PICALM: variants seen among roughly 807,000 people sequenced by gnomAD.
The protein encoded by PICALM is phosphatidylinositol-binding clathrin assembly protein.
Under a neutral mutation model 80.5 loss-of-function variants are expected in PICALM, and 40 were observed. The observed-to-expected ratio is 0.50, with a 90% CI of 0.39 to 0.65. The LOEUF is 0.65. Ranked by LOEUF, PICALM falls within the 30% of genes least tolerant of loss-of-function variation. PICALM has a pLI of 0.00. For synonymous variants in PICALM, 288 were observed against 260.3 expected (o/e 1.11, Z -1.02); for missense variants, 676 against 778.9 (o/e 0.87, Z 1.57).
chr11:85,999,484 A>T (rs1460928794), intron 11 of PICALM, among the ~76,000 whole-genome samples: 1 of 152,266 alleles, frequency 6.6e-6, no homozygotes, highest in Non-Finnish European at 1.5e-5. Flanking sequence ...CAAGATCTCC[A>T]TGTTGAGAAC....
At position 86,068,959 on chromosome 11, in the gene PICALM, GT is replaced by G. The variant is rs2096485876; in HGVS notation, c.-180del. 1.3e-6 allele frequency: 1 copy of G among 743,988 alleles called. No individual in the cohort carries two copies. The highest frequency in any genetic ancestry group is 2.9e-5 in the East Asian group (1 of 34,188). 46.1% of individuals were successfully genotyped at this position (743,988 alleles called of 1,614,324 possible). A position where few individuals can be genotyped will look rare whatever the true frequency, so the allele number is the denominator to read the frequency against. On this transcript the variant is annotated 5_prime_UTR_variant, in exon 1 of 20. Coordinates refer to ENST00000393346, the MANE Select transcript of PICALM (RefSeq NM_007166.4). ...CCACCAGTCCAGAGAGAACCGGCTC[GT>G]GTCACCCGCGGAGTCGGACAAGATG...
At chr11:86,015,998 G>A (rs528103179) in intron 4 of PICALM, among the ~76,000 whole-genome samples, 7 of 152,242 alleles carry the variant, frequency 4.6e-5, no homozygotes, top group South Asian at 2.1e-4. Context: ...GATCAGCTTC[G>A]GCCTAATTCT....
At chr11:86,029,305 C>CA (rs1369840255) in intron 2 of PICALM, among the ~76,000 whole-genome samples, 2 of 152,202 alleles carry the variant, frequency 1.3e-5, no homozygotes, top group East Asian at 3.8e-4. Flanking sequence ...TTCCAATCAC[C>CA]ACAGTATAGT....
At chr11:85,974,426 A>G in intron 19 of PICALM, 1 of 559,524 alleles carries the variant, frequency 1.8e-6, no homozygotes, top group Non-Finnish European at 3.5e-6. Flanking sequence ...AATCACGAAG[A>G]GCAAGTAGGC....
At chr11:86,019,887 G>A (rs1479443262) in intron 4 of PICALM, among the ~76,000 whole-genome samples, 1 of 152,088 alleles carries the variant, frequency 6.6e-6, no homozygotes, top group Non-Finnish European at 1.5e-5. Flanking sequence ...TAGACCTTTG[G>A]GATCACTGAG....
At chr11:86,053,795 T>C (rs1047391882) in intron 1 of PICALM, among the ~76,000 whole-genome samples, 10 of 152,120 alleles carry the variant, frequency 6.6e-5, no homozygotes, top group African/African-American at 2.4e-4. Context: ...CTCAAACTCC[T>C]GGACTCAAGC....
intron 19 of PICALM, among the ~76,000 whole-genome samples, chr11:85,964,542 T>C (rs969378351): frequency 3.3e-5 from 5 of 152,230 alleles, no homozygotes; most frequent in African/African-American, 1.2e-4. Flanking sequence ...CTCAGCATGC[T>C]GCCTGGCATA....
rs543780407 is a variant in PICALM, at chr11:86,006,172, C to T, written c.807+1370G>A. On this transcript the variant is annotated intron_variant, in intron 8 of 19. Coordinates refer to ENST00000393346, the MANE Select transcript of PICALM (RefSeq NM_007166.4). ...GCAATGACTTGTCTCATGTTCAACC[C>T]AGAATCATGTGCTTGCTCTTAATAA... Among the ~76,000 whole-genome samples the T allele has an allele frequency of 7.2e-5, 11 of 152,288 alleles. 1 individual carries two copies. The South Asian group carries it at 2.3e-3, about 32-fold the overall frequency.
chr11:86,003,541 T>A (rs1457983818), intron 8 of PICALM, 90 bp from the exon 9 acceptor site: 2 of 685,840 alleles, frequency 2.9e-6, no homozygotes, highest in East Asian at 5.4e-5. Context: ...GCAACAAAAA[T>A]AAACAGGTAT....
At chr11:86,040,293 G>T (rs933505777) in intron 1 of PICALM, among the ~76,000 whole-genome samples, 3 of 152,136 alleles carry the variant, frequency 2.0e-5, no homozygotes, top group African/African-American at 7.2e-5. Flanking sequence ...GGTGAGGTAT[G>T]TATGAGTGGC....
Position 86,061,535 on chromosome 11 carries a change from A to C in PICALM, c.130+7116T>G, listed in dbSNP as rs376675226. 1.7e-3 allele frequency among the ~76,000 whole-genome samples: 252 copies of C among 152,170 alleles called. 1 individual carries two copies. Among genetic ancestry groups the C allele is most frequent in the African/African-American group, 5.8e-3 (239 of 41,498 alleles). On this transcript the variant is annotated intron_variant, in intron 1 of 19. Transcript: ENST00000393346. ...ATGAAAAAAAGTCACATAATCAGGA[A>C]AATGCAAATTAAAACAATACCACTA...
intron 19 of PICALM, among the ~76,000 whole-genome samples, chr11:85,962,876 C>A (rs530250036): frequency 2.0e-5 from 3 of 152,312 alleles, no homozygotes; most frequent in Admixed American, 6.5e-5. Flanking sequence ...ACCATCCTAC[C>A]CCTTCCTGGC....
chr11:85,993,383 G>T (rs1263720587), intron 12 of PICALM, among the ~76,000 whole-genome samples: 1 of 151,560 alleles, frequency 6.6e-6, no homozygotes, highest in Admixed American at 6.6e-5. Context: ...ACTGCACCCA[G>T]TCTAAAATTT....
At chr11:86,023,281 T>C (rs1171306033) in intron 3 of PICALM, 1 of 201,644 alleles carries the variant, frequency 5.0e-6, no homozygotes, top group Non-Finnish European at 8.8e-6. Flanking sequence ...CCAACCAAAA[T>C]GTAAACTAAC....
intron 1 of PICALM, among the ~76,000 whole-genome samples, chr11:86,048,596 G>A (rs1316069163): frequency 6.6e-6 from 1 of 151,872 alleles, no homozygotes; most frequent in Non-Finnish European, 1.5e-5. Flanking sequence ...CACTTTGGGG[G>A]GCTGAGGCGG....
At position 85,958,972 on chromosome 11, in the gene PICALM, G is replaced by T. The variant is rs2093596416; in HGVS notation, c.*74C>A. On this transcript the variant is annotated 3_prime_UTR_variant, in exon 20 of 20. Coordinates refer to ENST00000393346, the MANE Select transcript of PICALM (RefSeq NM_007166.4). ...AAGAGATTTAAGAGACAGCAGTTTG[G>T]ATTTTGCTGGAAGTAAGGATTTTGC... 9.0e-7 allele frequency: 1 copy of T among 1,109,472 alleles called. No individual in the cohort carries two copies. Among genetic ancestry groups the T allele is most frequent in the Non-Finnish European group, 1.3e-6 (1 of 742,782 alleles). 68.7% of individuals were successfully genotyped at this position (1,109,472 alleles called of 1,614,324 possible). A position where few individuals can be genotyped will look rare whatever the true frequency, so the allele number is the denominator to read the frequency against.
chr11:86,068,053 T>C (rs546123262), intron 1 of PICALM, among the ~76,000 whole-genome samples: 4 of 152,072 alleles, frequency 2.6e-5, no homozygotes, highest in African/African-American at 9.7e-5. Flanking sequence ...GAAGCTACTA[T>C]AGAGGCGATG....
chr11:86,057,391 T>C (rs924389866), intron 1 of PICALM, among the ~76,000 whole-genome samples: 1 of 151,718 alleles, frequency 6.6e-6, no homozygotes, highest in African/African-American at 2.4e-5. Context: ...ATACAAAAAT[T>C]AGCTGGGCCT....
At chr11:85,999,864 C>A (rs1246837421) in intron 11 of PICALM, among the ~76,000 whole-genome samples, 2 of 152,220 alleles carry the variant, frequency 1.3e-5, no homozygotes, top group Admixed American at 6.5e-5. Context: ...AACAAAAATT[C>A]TTGGGCCCCA....
Sources: gnomAD v4.1 joint callset for allele counts (sites outside exome capture counted in the v4.1 genomes callset) on GRCh38, gnomAD v4.1.1 for gene constraint, MANE v1.5 for transcripts, NCBI Gene and HGNC (gene_info 2026-07-23, HGNC 2026-07-21) for gene names.